Variants in CCDC158 observed in about 807,000 individuals in gnomAD.
The protein encoded by CCDC158 is coiled-coil domain-containing protein 158.
Under a neutral mutation model 138.6 loss-of-function variants are expected in CCDC158, and 116 were observed. That is an observed-to-expected ratio of 0.84 (90% CI 0.72 to 0.98). The LOEUF is 0.98. CCDC158 is among the 50% of genes least tolerant of loss of function. CCDC158 has a pLI of 0.00. For missense variants in CCDC158, 1,265 were observed against 1,306.1 expected, an observed-to-expected ratio of 0.97 and a Z score of 0.48; for synonymous variants, 436 against 442.4, an observed-to-expected ratio of 0.99 and a Z score of 0.18.
rs192452146 is a variant in CCDC158 at position 76,408,942 on chromosome 4, T to C, written c.-74+3148A>G. ...TTGCATTTCTGACGGCCAGTGATGA[T>C]GAGCATTTTTTCACGTGTCTTTTGG... On this transcript the variant is annotated intron_variant, in intron 2 of 24. Transcript: ENST00000682701. 4.3e-3 allele frequency among the ~76,000 whole-genome samples: 659 copies of C among 152,354 alleles called. 3 individuals carry two copies. The highest frequency in any genetic ancestry group is 4.2e-3 in the Non-Finnish European group (285 of 68,028).
chr4:76,407,298 C>T (rs938163798), intron 2 of CCDC158: 1 of 152,018 alleles, frequency 6.6e-6, no homozygotes, highest in Non-Finnish European at 1.5e-5. Context: ...CCTTAATATG[C>T]TTCGTGCTAT....
intron 16 of CCDC158, 30 bp downstream of exon 16, chr4:76,353,093 A>G: frequency 6.4e-7 from 1 of 1,556,872 alleles, no homozygotes; most frequent in South Asian, 1.1e-5. Context: ...TTTAGTTGAT[A>G]ATTACTTCAT....
intron 24 of CCDC158, among the ~76,000 whole-genome samples, chr4:76,319,477 T>A (rs1163201865): frequency 5.6e-4 from 8 of 14,316 alleles, no homozygotes; most frequent in East Asian, 4.5e-3. Context: ...TATATATATA[T>A]ATATATATAT....
intron 13 of CCDC158, among the ~76,000 whole-genome samples, chr4:76,358,775 C>T (rs1251386202): frequency 6.6e-6 from 1 of 152,178 alleles, no homozygotes; most frequent in African/African-American, 2.4e-5. Context: ...ACTGGTTATT[C>T]ACCCATTTCT....
At chr4:76,326,124 G>T in intron 22 of CCDC158, 109 bp from the exon 23 acceptor site, 2 of 837,618 alleles carry the variant, frequency 2.4e-6, no homozygotes, top group Non-Finnish European at 3.8e-6. Flanking sequence ...ATGGTGGAGG[G>T]ACAGGGGGAC....
intron 1 of CCDC158, among the ~76,000 whole-genome samples, chr4:76,417,452 G>A (rs1424568137): frequency 6.6e-6 from 1 of 152,148 alleles, no homozygotes; most frequent in Admixed American, 6.5e-5. Context: ...AAGGACATGA[G>A]ATTTGGAGGG....
chr4:76,389,393 G>A (rs950628663), intron 4 of CCDC158, among the ~76,000 whole-genome samples: 1 of 151,730 alleles, frequency 6.6e-6, no homozygotes, highest in South Asian at 2.1e-4. Context: ...AGAAGACAGG[G>A]TATTTGAAAA....
chr4:76,400,129 C>A (rs1035876677), intron 3 of CCDC158, among the ~76,000 whole-genome samples: 23 of 151,720 alleles, frequency 1.5e-4, no homozygotes, highest in Non-Finnish European at 2.9e-4. Context: ...GCACTATTCA[C>A]AATAGCAAAG....
intron 9 of CCDC158, chr4:76,375,712 G>A (rs1036617463): frequency 1.5e-5 from 10 of 680,568 alleles, no homozygotes; most frequent in Middle Eastern, 2.4e-4. Flanking sequence ...CTCCTAAAGT[G>A]GAAAGAGAAG....
At chr4:76,416,320 G>A (rs912602217) in intron 1 of CCDC158, among the ~76,000 whole-genome samples, 2 of 152,186 alleles carry the variant, frequency 1.3e-5, no homozygotes, top group East Asian at 1.9e-4. Context: ...ACCGGTCTCC[G>A]CGTCTTGGTT....
chr4:76,389,710 C>A (rs1727137676), intron 4 of CCDC158, among the ~76,000 whole-genome samples: 1 of 152,008 alleles, frequency 6.6e-6, no homozygotes, highest in Non-Finnish European at 1.5e-5. Context: ...CTGAAAGCAG[C>A]AAGAGAAAAG....
rs1726011756 is a variant in CCDC158, at chr4:76,379,366, T to A, written c.953A>T (p.Gln318Leu). Residue 318 changes from glutamine (Q) to leucine (L), a missense_variant, in exon 9 of 25, where the codon CAG (glutamine) becomes CTG (leucine). By Grantham distance (113) the Gln-to-Leu change is moderately radical (BLOSUM62 -2). Transcript: ENST00000682701. ...ARNQNSMYMR[Q>L]LSDLESTVSQ... ...AACAGTAGATTCCAGATCGCTGAGC[T>A]GACGCATATACATAGAGTTTTGGTT... is the stretch of plus-strand genomic sequence containing the variant. 4 of 1,609,598 alleles carry A rather than the reference T, an allele frequency of 2.5e-6. No individual in the cohort carries two copies. The highest frequency in any genetic ancestry group is 2.2e-5 in the South Asian group (2 of 90,108).
intron 1 of CCDC158, among the ~76,000 whole-genome samples, chr4:76,416,322 G>A (rs1036420504): frequency 7.9e-5 from 12 of 152,094 alleles, no homozygotes; most frequent in South Asian, 2.1e-4. Context: ...CGGTCTCCGC[G>A]TCTTGGTTGT....
intron 18 of CCDC158, chr4:76,345,123 T>G: frequency 3.6e-6 from 4 of 1,122,012 alleles, no homozygotes; most frequent in Middle Eastern, 2.4e-4. Context: ...CACTGCAGCC[T>G]GCTTACATTG....
intron 10 of CCDC158, among the ~76,000 whole-genome samples, chr4:76,370,965 A>G (rs540768369): frequency 2.7e-5 from 4 of 146,468 alleles, no homozygotes; most frequent in Non-Finnish European, 4.6e-5. Flanking sequence ...CCTTTCCTAA[A>G]TTTCTCATCC....
chr4:76,328,136 C>G (rs1334734772), intron 22 of CCDC158, among the ~76,000 whole-genome samples: 1 of 152,176 alleles, frequency 6.6e-6, no homozygotes, highest in African/African-American at 2.4e-5. Flanking sequence ...CTTTCAATCT[C>G]TTCTTTCTGG....
chr4:76,325,134 C>T (rs1202445518), intron 23 of CCDC158, among the ~76,000 whole-genome samples: 1 of 151,870 alleles, frequency 6.6e-6, no homozygotes, highest in Non-Finnish European at 1.5e-5. Context: ...GACACAAGTA[C>T]AGAAAAAAAG....
chr4:76,333,490 T>C lies in CCDC158; in HGVS notation c.2822+520A>G, dbSNP rs76212514. ...GGCTGGTGAACTGGCTAAATTCTTTTTGGATCTAATCTTTTACTAATATGA... is the reference window on the plus strand; with the variant it reads ...GGCTGGTGAACTGGCTAAATTCTTTCTGGATCTAATCTTTTACTAATATGA... On this transcript the variant is annotated intron_variant, in intron 19 of 24. Transcript: ENST00000682701. 8.7e-4 allele frequency among the ~76,000 whole-genome samples: 132 copies of C among 152,306 alleles called. 1 individual carries two copies. Among genetic ancestry groups the C allele is most frequent in the African/African-American group, 3.0e-3 (126 of 41,574 alleles).
intron 16 of CCDC158, 52 bp downstream of exon 16, chr4:76,353,071 G>T: frequency 1.4e-6 from 2 of 1,437,342 alleles, no homozygotes; most frequent in Non-Finnish European, 1.9e-6. Context: ...AATTCTATTT[G>T]GTTAATAACT....
Sources: allele counts gnomAD v4.1 joint callset (sites outside exome capture counted in the v4.1 genomes callset), GRCh38; gene constraint gnomAD v4.1.1; transcripts MANE v1.5; gene names NCBI Gene and HGNC (gene_info 2026-07-23, HGNC 2026-07-21).